Variants in KDM4C observed in about 807,000 individuals in gnomAD.
KDM4C encodes lysine-specific demethylase 4C.
In KDM4C, 81 loss-of-function variants were observed where a neutral mutation model predicts 129.3. The ratio of observed to expected loss-of-function variants is 0.63; its 90% CI spans 0.52 to 0.75. The LOEUF is 0.75. KDM4C is among the 30% of genes least tolerant of loss of function. The pLI is 0.00. For synonymous variants in KDM4C, 573 were observed against 456.1 expected, an observed-to-expected ratio of 1.26 and a Z score of -3.26; for missense variants, 1,457 against 1,304.0, an observed-to-expected ratio of 1.12 and a Z score of -1.81.
intron 12 of KDM4C, among the ~76,000 whole-genome samples, chr9:7,002,610 C>T (rs891104658): frequency 1.3e-5 from 2 of 152,134 alleles, no homozygotes; most frequent in Non-Finnish European, 2.9e-5. Context: ...AAGGATATGC[C>T]AGCTTTCTTT....
At chr9:7,044,271 C>G (rs187670520) in intron 15 of KDM4C, among the ~76,000 whole-genome samples, 6 of 152,030 alleles carry the variant, frequency 3.9e-5, no homozygotes, top group African/African-American at 1.4e-4. Context: ...CAGGCTGGCT[C>G]TAAAGTGTTC....
chr9:6,927,796 C>T (rs1452235800), intron 8 of KDM4C, among the ~76,000 whole-genome samples: 3 of 152,216 alleles, frequency 2.0e-5, no homozygotes, highest in Non-Finnish European at 2.9e-5. Flanking sequence ...CATTGTGTCT[C>T]ACCAATTTCC....
At chr9:6,900,271 G>GC (rs1554634172) in intron 8 of KDM4C, among the ~76,000 whole-genome samples, 6 of 152,166 alleles carry the variant, frequency 3.9e-5, no homozygotes, top group Non-Finnish European at 7.3e-5. Context: ...TTAGATGTAG[G>GC]TTTGCCCCCA....
intron 8 of KDM4C, among the ~76,000 whole-genome samples, chr9:6,961,191 T>C (rs111712170): frequency 0.022 from 3,309 of 152,338 alleles, 124 homozygotes; most frequent in African/African-American, 0.076. Context: ...AGTTGTCCTT[T>C]ATTTTAAAAG....
At chr9:7,085,595 A>G (rs1184326279) in intron 17 of KDM4C, among the ~76,000 whole-genome samples, 3 of 152,158 alleles carry the variant, frequency 2.0e-5, no homozygotes, top group East Asian at 1.9e-4. Context: ...GAAACCTGTG[A>G]GAGGAAGGCT....
intron 17 of KDM4C, among the ~76,000 whole-genome samples, chr9:7,078,598 G>T (rs1226449156): frequency 6.6e-6 from 1 of 152,030 alleles, no homozygotes; most frequent in Non-Finnish European, 1.5e-5. Flanking sequence ...CCAAGCCCAA[G>T]GTCTGTATTT....
At chr9:7,104,824 G>A (rs1164495715) in intron 18 of KDM4C, among the ~76,000 whole-genome samples, 1 of 152,328 alleles carries the variant, frequency 6.6e-6, no homozygotes, top group East Asian at 1.9e-4. Flanking sequence ...AGCCTGCCAA[G>A]TCGTCAGCAT....
At chr9:6,779,988 C>T (rs988143842) in intron 1 of KDM4C, among the ~76,000 whole-genome samples, 2 of 152,172 alleles carry the variant, frequency 1.3e-5, no homozygotes, top group African/African-American at 4.8e-5. Flanking sequence ...GCAAACTAGC[C>T]AGCCACCTAC....
chr9:6,766,963 TC>T (rs1355449032), intron 1 of KDM4C, among the ~76,000 whole-genome samples: 3 of 149,892 alleles, frequency 2.0e-5, no homozygotes, highest in African/African-American at 5.1e-5. Context: ...TAAATTCCAG[TC>T]CTCAGGACAG....
intron 15 of KDM4C, among the ~76,000 whole-genome samples, chr9:7,027,107 TTGG>T (rs1184828358): frequency 1.3e-5 from 2 of 152,128 alleles, no homozygotes; most frequent in African/African-American, 4.8e-5. Context: ...TTTAGTTTAC[TTGG>T]TGAGATCATG....
chr9:6,961,540 A>C (rs1017644138), intron 8 of KDM4C, among the ~76,000 whole-genome samples: 1 of 152,230 alleles, frequency 6.6e-6, no homozygotes, highest in African/African-American at 2.4e-5. Flanking sequence ...ATCAGACAGA[A>C]TATAGTATTT....
At chr9:6,800,375 C>G (rs1481592626) in intron 2 of KDM4C, among the ~76,000 whole-genome samples, 1 of 151,326 alleles carries the variant, frequency 6.6e-6, no homozygotes, top group African/African-American at 2.4e-5. Context: ...AAAAAGCAAA[C>G]AAACAAACAA....
intron 17 of KDM4C, among the ~76,000 whole-genome samples, chr9:7,087,560 A>G (rs891352981): frequency 6.6e-6 from 1 of 152,184 alleles, no homozygotes; most frequent in Admixed American, 6.5e-5. Flanking sequence ...ACTTCAATTA[A>G]TATGCATATT....
rs568342803 is a variant in KDM4C at position 6,949,338 on chromosome 9, G to A, written c.922-31587G>A. Among the ~76,000 whole-genome samples, 166 of 151,872 alleles carry A rather than the reference G, an allele frequency of 1.1e-3. 1 individual carries two copies. The highest frequency in any genetic ancestry group is 3.3e-3 in the African/African-American group (136 of 41,380). The stretch of plus-strand genomic sequence containing the variant: ...TCATTTCCTAGACGGGATGGCGGCC[G>A]GGAAGAGGCGCTCCTCACTTCCCAG... On this transcript the variant is annotated intron_variant, in intron 8 of 21. Coordinates refer to ENST00000381309, the MANE Select transcript of KDM4C (RefSeq NM_015061.6).
chr9:6,810,507 T>A (rs1053345262), intron 3 of KDM4C, among the ~76,000 whole-genome samples: 2 of 152,240 alleles, frequency 1.3e-5, no homozygotes, highest in African/African-American at 4.8e-5. Context: ...TGGTTTTTTT[T>A]AAGTTGTAAA....
intron 17 of KDM4C, among the ~76,000 whole-genome samples, chr9:7,096,681 A>C (rs891111317): frequency 3.9e-5 from 6 of 152,166 alleles, no homozygotes; most frequent in Non-Finnish European, 8.8e-5. Context: ...ATAAAAAGGC[A>C]GCTTAGAATT....
At position 6,865,024 on chromosome 9, in the gene KDM4C, T is replaced by TG. The variant is rs200118267; in HGVS notation, c.630-14987dup. On this transcript the variant is annotated intron_variant, in intron 5 of 21. Coordinates refer to ENST00000381309, the MANE Select transcript of KDM4C (RefSeq NM_015061.6). ...AATTTCTTTCTTTTTTTTTTTTTTT[T>TG]GTGAGATAGAGTCTTGCTCTATTGC... Among the ~76,000 whole-genome samples, 4 of 148,784 alleles carry TG rather than the reference T, an allele frequency of 2.7e-5. No individual in the cohort carries two copies. In the South Asian group the frequency reaches 8.4e-4, roughly 31 times the overall value.
chr9:7,161,764 C>T (rs1015366741), intron 19 of KDM4C, among the ~76,000 whole-genome samples: 4 of 152,078 alleles, frequency 2.6e-5, no homozygotes, highest in Non-Finnish European at 5.9e-5. Context: ...ATTTTGGGGA[C>T]ACCCACCAGC....
chr9:6,793,810 G>A (rs886225890), intron 2 of KDM4C, among the ~76,000 whole-genome samples: 7 of 151,842 alleles, frequency 4.6e-5, no homozygotes, highest in African/African-American at 1.5e-4. Context: ...CCCAAAGTGC[G>A]GGGATTAAAG....
Sources: allele counts gnomAD v4.1 joint callset (sites outside exome capture counted in the v4.1 genomes callset), GRCh38; gene constraint gnomAD v4.1.1; transcripts MANE v1.5; gene names NCBI Gene and HGNC (gene_info 2026-07-23, HGNC 2026-07-21).